Variants in MILR1 observed in about 807,000 individuals in gnomAD.
MILR1 encodes the protein allergin-1.
A neutral mutation model predicts 18.5 loss-of-function variants in MILR1; 31 were observed. The observed-to-expected ratio is 1.68, with a 90% CI of 1.26 to 2.26. The LOEUF is 2.26. Among genes scored for constraint, MILR1 ranks in the 30% most tolerant of loss-of-function variants. The pLI is 0.00. For missense variants in MILR1, 257 were observed against 157.4 expected (o/e 1.63, Z -3.38); for synonymous variants, 85 against 56.2 (o/e 1.51, Z -2.30).
At chr17:64,487,305 C>T in the MILR1 span, 1 of 152,130 alleles carries the variant, frequency 6.6e-6, no homozygotes, top group Non-Finnish European at 1.5e-5. Context: ...CAGTTATCGT[C>T]GAACTGATAG....
the MILR1 span, among the ~76,000 whole-genome samples, chr17:64,493,864 G>T: frequency 1.3e-5 from 2 of 152,046 alleles, no homozygotes; most frequent in Non-Finnish European, 2.9e-5. Context: ...CCTTTACCTA[G>T]ATTCATCAAT....
Position 64,461,074 on chromosome 17 carries a change from G to C in MILR1, c.763+142G>C, listed in dbSNP as rs946449741. On this transcript the variant is annotated intron_variant, in intron 5 of 9. Coordinates refer to ENST00000619286, the MANE Select transcript of MILR1 (RefSeq NM_001085423.2). ...AAAATAGGAGGAAAACATGAGAAAG[G>C]GGGGCGGGAATGGAATAGACTTCCT... 7.9e-5 allele frequency: 29 copies of C among 364,946 alleles called. No homozygotes were observed. In the South Asian group the frequency reaches 1.0e-3, roughly 13 times the overall value. The allele number at this position is 364,946 out of a possible 1,614,324, so 22.6% of individuals were successfully genotyped here.
At chr17:64,453,931 T>G (rs919456352) in intron 3 of MILR1, among the ~76,000 whole-genome samples, 1 of 152,124 alleles carries the variant, frequency 6.6e-6, no homozygotes, top group Non-Finnish European at 1.5e-5. Flanking sequence ...TTATTTTATT[T>G]CTTTTTTTCT....
chr17:64,467,362 C>T lies in MILR1; in HGVS notation c.980-203C>T, dbSNP rs568015363. Among the ~76,000 whole-genome samples, 5 of 151,950 alleles carry T rather than the reference C, an allele frequency of 3.3e-5. No homozygotes were observed. In the Middle Eastern group the frequency reaches 0.01, roughly 310 times the overall value. On this transcript the variant is annotated intron_variant, in intron 8 of 9. Transcript: ENST00000619286. ...CTGGGCTCAACCAATCTTCCTGCCT[C>T]GGCCTCCCAAAGTGTTGGGATTACA...
intron 5 of MILR1, among the ~76,000 whole-genome samples, chr17:64,464,693 C>G (rs1322037541): frequency 6.6e-6 from 1 of 152,200 alleles, no homozygotes; most frequent in South Asian, 2.1e-4. Context: ...GTAGTCCCAG[C>G]ACTTTGATCA....
At chr17:64,487,670 G>A in the MILR1 span, among the ~76,000 whole-genome samples, 13 of 149,524 alleles carry the variant, frequency 8.7e-5, 1 homozygote, top group South Asian at 6.3e-4. Context: ...TCTGTGGTGC[G>A]CTTTGAATCA....
chr17:64,466,754 A>T, intron 8 of MILR1, 92 bp downstream of exon 8: 1 of 1,038,074 alleles, frequency 9.6e-7, no homozygotes, highest in Non-Finnish European at 1.4e-6. Flanking sequence ...GAGCCCGTTA[A>T]TGGGGTGGAT....
At chr17:64,460,785 A>T (rs2037413719) in intron 4 of MILR1, 37 bp from the exon 5 acceptor site, 1 of 473,162 alleles carries the variant, frequency 2.1e-6, no homozygotes, top group Non-Finnish European at 3.9e-6. Flanking sequence ...TGGAAAAGAA[A>T]ATGCTATGGT....
At chr17:64,468,964 G>A (rs1187108051), downstream of MILR1, among the ~76,000 whole-genome samples, 2 of 151,968 alleles carry the variant, frequency 1.3e-5, no homozygotes, top group African/African-American at 4.8e-5. Flanking sequence ...GCGGGCACTT[G>A]TAATTCCATC....
At chr17:64,470,566 G>A (rs782264730), downstream of MILR1, among the ~76,000 whole-genome samples, 3 of 152,090 alleles carry the variant, frequency 2.0e-5, no homozygotes, top group Non-Finnish European at 2.9e-5. Flanking sequence ...AAGAGCGCTC[G>A]CGGGCATTGG....
chr17:64,482,469 G>A, the MILR1 span, among the ~76,000 whole-genome samples: 1 of 151,748 alleles, frequency 6.6e-6, no homozygotes, highest in African/African-American at 2.4e-5. Flanking sequence ...CTACAGGTGC[G>A]TGCCACCACG....
At chr17:64,492,733 A>G in the MILR1 span, 1 of 1,613,418 alleles carries the variant, frequency 6.2e-7, no homozygotes, top group East Asian at 2.2e-5. Context: ...TTCTCGGAGG[A>G]GTAAACCATA....
downstream of MILR1, among the ~76,000 whole-genome samples, chr17:64,470,374 A>G (rs1555664358): frequency 6.6e-6 from 1 of 152,222 alleles, no homozygotes; most frequent in Non-Finnish European, 1.5e-5. Context: ...GATTACAGGC[A>G]TGAGCTATTG....
At chr17:64,462,375 A>C (rs913402652) in intron 5 of MILR1, among the ~76,000 whole-genome samples, 9 of 152,162 alleles carry the variant, frequency 5.9e-5, no homozygotes, top group African/African-American at 1.9e-4. Context: ...GCCTGTGAAC[A>C]GTGTTCATTT....
the MILR1 span, among the ~76,000 whole-genome samples, chr17:64,482,357 T>C: frequency 5.3e-5 from 8 of 150,790 alleles, no homozygotes; most frequent in Admixed American, 5.3e-4. Flanking sequence ...ACGGAGTCTC[T>C]GTCGCCCAGG....
At chr17:64,463,855 G>A (rs1329843887) in intron 5 of MILR1, among the ~76,000 whole-genome samples, 48 of 126,574 alleles carry the variant, frequency 3.8e-4, no homozygotes, top group African/African-American at 1.1e-3. Flanking sequence ...GCAGAGTCTC[G>A]CTCTGTTGCC....
At chr17:64,460,381 A>C (rs2037405727) in intron 4 of MILR1, among the ~76,000 whole-genome samples, 2 of 152,158 alleles carry the variant, frequency 1.3e-5, no homozygotes, top group South Asian at 4.1e-4. Flanking sequence ...TCTGTCCCTC[A>C]GGCTGGAGTG....
intron 4 of MILR1, among the ~76,000 whole-genome samples, chr17:64,459,987 TTTTATTTTA>T (rs1226268164): frequency 0.033 from 4,358 of 130,544 alleles, 74 homozygotes; most frequent in African/African-American, 0.04. Flanking sequence ...TTTTATTTTA[TTTTATTTTA>T]TTTATTTATT....
intron 5 of MILR1, among the ~76,000 whole-genome samples, chr17:64,463,197 G>A (rs908549677): frequency 0.02 from 3,049 of 151,606 alleles, 46 homozygotes; most frequent in Non-Finnish European, 0.025. Context: ...TTTTAGAGAC[G>A]GGGTCTCACT....
Sources: gnomAD v4.1 joint callset for allele counts (sites outside exome capture counted in the v4.1 genomes callset) on GRCh38, gnomAD v4.1.1 for gene constraint, MANE v1.5 for transcripts, NCBI Gene and HGNC (gene_info 2026-07-23, HGNC 2026-07-21) for gene names.